Variants in KALRN observed in about 807,000 individuals in gnomAD.
KALRN encodes the protein kalirin.
KALRN carries 70 observed loss-of-function variants against 353.7 expected under a neutral mutation model. The ratio of observed to expected loss-of-function variants is 0.20; its 90% CI spans 0.16 to 0.24. KALRN has a LOEUF of 0.24. Ranked by LOEUF, KALRN falls within the 10% of genes least tolerant of loss-of-function variation. The probability of loss-of-function intolerance (pLI) is 1.00; values close to 1 mark genes in which losing one functional copy is unlikely to be tolerated. For missense variants in KALRN, 2,791 were observed against 3,756.7 expected (o/e 0.74, Z 6.72); for synonymous variants, 1,391 against 1,434.8 (o/e 0.97, Z 0.69).
chr3:124,047,608 C>T (rs1577541808), intron 1 of KALRN, among the ~76,000 whole-genome samples: 1 of 151,110 alleles, frequency 6.6e-6, no homozygotes, highest in Non-Finnish European at 1.5e-5. Flanking sequence ...TTCTCCTGCC[C>T]CAGCCTCCCA....
chr3:124,365,270 T>G (rs2084532932), intron 10 of KALRN, among the ~76,000 whole-genome samples: 1 of 152,084 alleles, frequency 6.6e-6, no homozygotes, highest in Non-Finnish European at 1.5e-5. Flanking sequence ...CCTTTAAAAA[T>G]GAAGGGGGGT....
chr3:124,318,960 G>A (rs2079064966), intron 6 of KALRN, among the ~76,000 whole-genome samples: 1 of 151,974 alleles, frequency 6.6e-6, no homozygotes, highest in African/African-American at 2.4e-5. Flanking sequence ...CATGAACTTG[G>A]CTTCTAAAAA....
At chr3:124,633,502 G>A (rs374127413) in intron 35 of KALRN, among the ~76,000 whole-genome samples, 1 of 152,222 alleles carries the variant, frequency 6.6e-6, no homozygotes, top group African/African-American at 2.4e-5. Context: ...TGGCAGCTAA[G>A]CCTGGCGGCA....
At chr3:124,466,302 A>G (rs1297769164) in intron 25 of KALRN, among the ~76,000 whole-genome samples, 1 of 152,044 alleles carries the variant, frequency 6.6e-6, no homozygotes, top group Non-Finnish European at 1.5e-5. Context: ...CTATATAATC[A>G]TGAAATTTAC....
chr3:124,191,716 T>A (rs2074938969), intron 1 of KALRN, among the ~76,000 whole-genome samples: 1 of 152,202 alleles, frequency 6.6e-6, no homozygotes, highest in Admixed American at 6.5e-5. Context: ...CCTCACAGCA[T>A]GGTAGTCTCA....
intron 1 of KALRN, among the ~76,000 whole-genome samples, chr3:124,049,492 T>A (rs1472381942): frequency 6.6e-6 from 1 of 152,100 alleles, no homozygotes; most frequent in Non-Finnish European, 1.5e-5. Flanking sequence ...AGAAAGAAAA[T>A]GCTTTGGAAA....
intron 1 of KALRN, among the ~76,000 whole-genome samples, chr3:124,105,733 A>G (rs1260018825): frequency 6.6e-6 from 1 of 152,120 alleles, no homozygotes; most frequent in African/African-American, 2.4e-5. Context: ...GGTGAAGATG[A>G]GGTAGCAGCA....
chr3:124,584,988 A>G (rs1281749166), intron 34 of KALRN: 7 of 770,010 alleles, frequency 9.1e-6, no homozygotes, highest in African/African-American at 5.5e-5. Context: ...TAGGGAGGGA[A>G]GGGTTGGGGA....
chr3:124,439,527 A>G (rs1255027863), intron 18 of KALRN, among the ~76,000 whole-genome samples: 1 of 152,220 alleles, frequency 6.6e-6, no homozygotes, highest in Non-Finnish European at 1.5e-5. Flanking sequence ...TAGTAATATC[A>G]AAAACATATA....
At chr3:124,565,210 C>A (rs1290063645) in intron 34 of KALRN, among the ~76,000 whole-genome samples, 2 of 152,224 alleles carry the variant, frequency 1.3e-5, no homozygotes, top group African/African-American at 4.8e-5. Flanking sequence ...TCAGCTAAGA[C>A]CGACGTCCTA....
intron 1 of KALRN, among the ~76,000 whole-genome samples, chr3:124,186,460 CA>C (rs767829971): frequency 6.6e-6 from 1 of 152,134 alleles, no homozygotes; most frequent in Non-Finnish European, 1.5e-5. Context: ...TGATTAGAAG[CA>C]ATGCTTAGCA....
chr3:124,170,473 A>C (rs1353509107), intron 1 of KALRN, among the ~76,000 whole-genome samples: 1 of 152,182 alleles, frequency 6.6e-6, no homozygotes, highest in Admixed American at 6.5e-5. Context: ...CAGTATTGGG[A>C]TTAGAACCCC....
chr3:124,469,014 ACTT>A (rs1419393014), intron 25 of KALRN, among the ~76,000 whole-genome samples: 1 of 152,212 alleles, frequency 6.6e-6, no homozygotes, highest in Non-Finnish European at 1.5e-5. Flanking sequence ...TTACACACTA[ACTT>A]CTTAGCATCC....
intron 34 of KALRN, among the ~76,000 whole-genome samples, chr3:124,610,006 A>G (rs1337574194): frequency 3.9e-5 from 6 of 152,256 alleles, no homozygotes; most frequent in African/African-American, 1.4e-4. Context: ...TTTAGAACAT[A>G]TTTACTGAGC....
chr3:124,463,262 T>C (rs2060018984), intron 25 of KALRN, among the ~76,000 whole-genome samples: 2 of 152,176 alleles, frequency 1.3e-5, no homozygotes, highest in Admixed American at 1.3e-4. Context: ...AACCAACCAA[T>C]AGAAATAACT....
intron 6 of KALRN, among the ~76,000 whole-genome samples, chr3:124,306,369 A>G (rs753116734): frequency 1.3e-5 from 2 of 152,208 alleles, no homozygotes; most frequent in Non-Finnish European, 2.9e-5. Context: ...GGCTCAATGT[A>G]GATTTGAACT....
At chr3:124,281,031 A>C (rs2075290477) in intron 5 of KALRN, among the ~76,000 whole-genome samples, 1 of 152,206 alleles carries the variant, frequency 6.6e-6, no homozygotes, top group Admixed American at 6.5e-5. Flanking sequence ...CACATTGTGC[A>C]CATGTACCCT....
At chr3:124,460,305 G>A (rs1378446159) in intron 23 of KALRN, among the ~76,000 whole-genome samples, 1 of 152,200 alleles carries the variant, frequency 6.6e-6, no homozygotes, top group Non-Finnish European at 1.5e-5. Flanking sequence ...TACCTGGCCA[G>A]ATCTTCCTCC....
chr3:124,496,461 C>A, intron 33 of KALRN, 48 bp downstream of exon 33: 1 of 1,362,854 alleles, frequency 7.3e-7, no homozygotes, highest in Non-Finnish European at 1.1e-6. Context: ...CTTGATGGCT[C>A]AACCACCCCT....
Sources: allele counts gnomAD v4.1 joint callset (sites outside exome capture counted in the v4.1 genomes callset), GRCh38; gene constraint gnomAD v4.1.1; transcripts MANE v1.5; gene names NCBI Gene and HGNC (gene_info 2026-07-23, HGNC 2026-07-21).